Variants in ADIPOR2 observed in about 807,000 individuals in gnomAD.
The protein encoded by ADIPOR2 is adiponectin receptor protein 2.
In ADIPOR2, 18 loss-of-function variants were observed where a neutral mutation model predicts 40.9. That is an observed-to-expected ratio of 0.44 (90% CI 0.30 to 0.65). The LOEUF is 0.65. Ranked by LOEUF, ADIPOR2 falls within the 30% of genes least tolerant of loss-of-function variation. The pLI is 0.09. For synonymous variants in ADIPOR2, 165 were observed against 166.4 expected, an observed-to-expected ratio of 0.99 and a Z score of 0.06; for missense variants, 283 against 479.2, an observed-to-expected ratio of 0.59 and a Z score of 3.82.
At chr12:1,737,750 C>T (rs2094733986) in intron 1 of ADIPOR2, among the ~76,000 whole-genome samples, 1 of 152,066 alleles carries the variant, frequency 6.6e-6, no homozygotes, top group Non-Finnish European at 1.5e-5. Context: ...TGGGGTTTCA[C>T]CATGTTGGCC....
intron 1 of ADIPOR2, among the ~76,000 whole-genome samples, chr12:1,730,444 C>T (rs1413692133): frequency 2.0e-5 from 3 of 151,182 alleles, no homozygotes; most frequent in East Asian, 1.9e-4. Flanking sequence ...GGTGAAACCT[C>T]GTCTCTACTA....
At chr12:1,757,047 A>C (rs1862148370) in intron 2 of ADIPOR2, among the ~76,000 whole-genome samples, 9 of 152,146 alleles carry the variant, frequency 5.9e-5, no homozygotes, top group Admixed American at 5.9e-4. Flanking sequence ...TTAGATTTTT[A>C]TTTACCTCTG....
At chr12:1,713,797 T>C (rs564542962) in intron 1 of ADIPOR2, among the ~76,000 whole-genome samples, 1 of 152,066 alleles carries the variant, frequency 6.6e-6, no homozygotes, top group Admixed American at 6.5e-5. Flanking sequence ...CGGATGGTAA[T>C]GGACCTTGAG....
rs2094726603 is a variant in ADIPOR2, at chr12:1,734,539, A to G, written c.-86-19719A>G. 3.3e-5 allele frequency among the ~76,000 whole-genome samples: 5 copies of G among 152,098 alleles called. No homozygotes were observed. In the South Asian group the frequency reaches 1.0e-3, roughly 32 times the overall value. ...CTTTGTCAGATGAGTAGATTGCAAA[A>G]GTTTTCTCTCATTCTGTAGGTTGCC... On this transcript the variant is annotated intron_variant, in intron 1 of 7. Transcript: ENST00000357103.
In ADIPOR2 at chr12:1,711,178, C is replaced by T. The variant is rs374854237; in HGVS notation, c.-87+19987C>T. Among the ~76,000 whole-genome samples the T allele has an allele frequency of 7.3e-4, 111 of 152,246 alleles. No homozygotes were observed. In the Middle Eastern group the frequency reaches 0.01, roughly 14 times the overall value. ...CCTTGGCGGTTTTGGAGAGTCACTG[C>T]TGCCAAAGAGTCTATCTGGGATTGT... On this transcript the variant is annotated intron_variant, in intron 1 of 7. Transcript: ENST00000357103.
intron 1 of ADIPOR2, among the ~76,000 whole-genome samples, chr12:1,752,931 C>T (rs182436371): frequency 2.0e-5 from 3 of 152,246 alleles, no homozygotes; most frequent in East Asian, 3.9e-4. Context: ...GTGCTTGGCC[C>T]AGGTACATGC....
At position 1,777,886 on chromosome 12, in the gene ADIPOR2, T is replaced by G. The variant is rs1862632378; in HGVS notation, c.324T>G (p.His108Gln). 6.2e-7 allele frequency: 1 copy of G among 1,613,768 alleles called. No homozygotes were observed. Among genetic ancestry groups the G allele is most frequent in the African/African-American group, 1.3e-5 (1 of 74,904 alleles). ...VWEGRWRVIP[H>Q]DVLPDWLKDN... The stretch of plus-strand genomic sequence containing the variant: ...AAGGTCGGTGGCGAGTGATCCCTCA[T>G]GATGTACTACCAGACTGGCTCAAGG... Residue 108 changes from histidine to glutamine, a missense_variant, in exon 4 of 8, where the codon CAT becomes CAG. His to Gln is a conservative substitution (Grantham distance 24, BLOSUM62 0). Transcript: ENST00000357103.
chr12:1,692,292 A>T (rs2094628758), intron 1 of ADIPOR2, among the ~76,000 whole-genome samples: 1 of 152,012 alleles, frequency 6.6e-6, no homozygotes, highest in Non-Finnish European at 1.5e-5. Flanking sequence ...GTTTGAAGTG[A>T]CCTCTTATCA....
chr12:1,772,731 G>A, intron 2 of ADIPOR2, 111 bp from the exon 3 acceptor site: 1 of 1,331,072 alleles, frequency 7.5e-7, no homozygotes, highest in South Asian at 1.7e-5. Flanking sequence ...TCTTGTCTAA[G>A]GCCTTGTTTT....
At chr12:1,777,719 T>G in intron 3 of ADIPOR2, 135 bp from the exon 4 acceptor site, 5 of 809,786 alleles carry the variant, frequency 6.2e-6, no homozygotes, top group Non-Finnish European at 9.4e-6. Flanking sequence ...TTATACATTT[T>G]GAGATGTTTG....
chr12:1,744,742 C>A (rs1424420849), intron 1 of ADIPOR2, among the ~76,000 whole-genome samples: 2 of 152,120 alleles, frequency 1.3e-5, no homozygotes, highest in African/African-American at 2.4e-5. Flanking sequence ...TTAAAAAATC[C>A]TTTTATATTT....
chr12:1,710,941 T>G (rs2094675455), intron 1 of ADIPOR2, among the ~76,000 whole-genome samples: 1 of 152,198 alleles, frequency 6.6e-6, no homozygotes, highest in Admixed American at 6.5e-5. Flanking sequence ...AATAGCAAGA[T>G]GGCTGTTACG....
intron 2 of ADIPOR2, chr12:1,761,045 C>T (rs1862257762): frequency 6.6e-6 from 1 of 152,016 alleles, no homozygotes; most frequent in African/African-American, 2.4e-5. Flanking sequence ...CTTTTTTTTA[C>T]AGTATATTGT....
At chr12:1,743,242 A>AAAAAAAAC (rs1555169155) in intron 1 of ADIPOR2, among the ~76,000 whole-genome samples, 3 of 134,656 alleles carry the variant, frequency 2.2e-5, no homozygotes, top group South Asian at 4.8e-4. Flanking sequence ...AAAAAAAAAA[A>AAAAAAAAC]AAAACAAAGC....
At chr12:1,774,862 G>A (rs1425843663) in intron 3 of ADIPOR2, among the ~76,000 whole-genome samples, 2 of 151,754 alleles carry the variant, frequency 1.3e-5, no homozygotes, top group Non-Finnish European at 2.9e-5. Context: ...GTGCCACCAT[G>A]CCCGGCTAAT....
At chr12:1,739,626 A>T (rs2094738306) in intron 1 of ADIPOR2, among the ~76,000 whole-genome samples, 1 of 152,232 alleles carries the variant, frequency 6.6e-6, no homozygotes, top group African/African-American at 2.4e-5. Flanking sequence ...TTTGTGCTGC[A>T]CTAGCTGAGT....
chr12:1,763,568 G>A (rs1445663036), intron 2 of ADIPOR2, among the ~76,000 whole-genome samples: 2 of 149,486 alleles, frequency 1.3e-5, no homozygotes, highest in African/African-American at 5.0e-5. Flanking sequence ...AAAGGACAAA[G>A]TTAATCTTTC....
At chr12:1,741,951 A>G (rs376463224) in intron 1 of ADIPOR2, among the ~76,000 whole-genome samples, 12 of 151,976 alleles carry the variant, frequency 7.9e-5, no homozygotes, top group African/African-American at 2.2e-4. Flanking sequence ...AATTTGAACT[A>G]TATCTCTTTC....
intron 2 of ADIPOR2, chr12:1,758,153 G>A (rs1156334534): frequency 4.6e-6 from 2 of 437,536 alleles, no homozygotes; most frequent in Non-Finnish European, 8.1e-6. Context: ...TTCACTGGTT[G>A]AAGTGGTATC....
Sources: gnomAD v4.1 joint callset for allele counts (sites outside exome capture counted in the v4.1 genomes callset) on GRCh38, gnomAD v4.1.1 for gene constraint, MANE v1.5 for transcripts, NCBI Gene and HGNC (gene_info 2026-07-23, HGNC 2026-07-21) for gene names.